The following KAT2B variants were observed in gnomAD, a reference collection of about 807,000 sequenced individuals.
KAT2B encodes the protein lysine acetyltransferase 2B, also known as histone acetyltransferase KAT2B.
A neutral mutation model predicts 105.9 loss-of-function variants in KAT2B; 36 were observed. The ratio of observed to expected loss-of-function variants is 0.34; its 90% CI spans 0.26 to 0.45. KAT2B has a LOEUF of 0.45. Among genes scored for constraint, KAT2B ranks in the 20% least tolerant of loss-of-function variants. KAT2B has a pLI of 1.00. For synonymous variants in KAT2B, 397 were observed against 377.9 expected (o/e 1.05, Z -0.59); for missense variants, 820 against 1,021.6 (o/e 0.80, Z 2.69).
chr3:20,078,192 A>C (rs2125185111), intron 2 of KAT2B, among the ~76,000 whole-genome samples: 1 of 152,238 alleles, frequency 6.6e-6, no homozygotes, highest in Admixed American at 6.5e-5. Flanking sequence ...AAATAAATAA[A>C]TAAATAAATA....
Position 20,062,206 on chromosome 3 carries a change from AT to A in KAT2B, c.304-10126del, listed in dbSNP as rs1325984947. Among the ~76,000 whole-genome samples, 6 of 86,472 alleles carry A rather than the reference AT, an allele frequency of 6.9e-5. 1 individual carries two copies. Among genetic ancestry groups the A allele is most frequent in the African/African-American group, 2.9e-4 (6 of 20,594 alleles). The allele number at this position is 86,472 out of a possible 152,430, so 56.7% of individuals were successfully genotyped here. A position where few individuals can be genotyped will look rare whatever the true frequency, so the allele number is the denominator to read the frequency against. ...AATATATAAAATATATATATTTTAT[AT>A]AAAATATATTATATATAAAAATATA... On this transcript the variant is annotated intron_variant, in intron 1 of 17. Transcript: ENST00000263754.
intron 1 of KAT2B, among the ~76,000 whole-genome samples, chr3:20,044,063 GAAAAAGAAAAAAA>G (rs1159105933): frequency 3.2e-5 from 4 of 124,812 alleles, no homozygotes; most frequent in African/African-American, 5.4e-5. Flanking sequence ...CCAGAGAATA[GAAAAAGAAAAAAA>G]AAAAAGAAAA....
In KAT2B at chr3:20,140,229, C is replaced by T. The variant is rs1359048696; in HGVS notation, c.1869C>T (p.Ser623=). Residue 623 remains serine (S), a synonymous_variant, in exon 13 of 18, where the codon TCC becomes TCT. Transcript: ENST00000263754. ...AIGYFKKQGF[S]KEIKIPKTKY... ...ATTTACTTGCTTTTCAGGGTTTCTCCAAAGAAATTAAAATACCTAAAACCA... is the reference window on the plus strand; with the variant it reads ...ATTTACTTGCTTTTCAGGGTTTCTCTAAAGAAATTAAAATACCTAAAACCA... 6.2e-7 allele frequency: 1 copy of T among 1,601,192 alleles called. No individual in the cohort carries two copies. Among genetic ancestry groups the T allele is most frequent in the African/African-American group, 1.3e-5 (1 of 74,672 alleles).
At chr3:20,110,742 C>T (rs999255504) in intron 5 of KAT2B, among the ~76,000 whole-genome samples, 7 of 151,560 alleles carry the variant, frequency 4.6e-5, no homozygotes, top group African/African-American at 1.7e-4. Context: ...CTTTTACTCT[C>T]CACTGTATGT....
At chr3:20,119,534 C>T (rs569752192) in intron 7 of KAT2B, 64 bp from the exon 8 acceptor site, 173 of 1,590,830 alleles carry the variant, frequency 1.1e-4, no homozygotes, top group East Asian at 3.1e-4. Context: ...ATGTGCACTT[C>T]GTTTCTTGTT....
intron 2 of KAT2B, among the ~76,000 whole-genome samples, chr3:20,078,640 AAGTGCTGGGAT>A (rs1367838398): frequency 6.6e-6 from 1 of 151,800 alleles, no homozygotes; most frequent in Non-Finnish European, 1.5e-5. Context: ...CGGCCTCCCG[AAGTGCTGGGAT>A]TACAGCTACC....
intron 11 of KAT2B, 64 bp from the exon 12 acceptor site, chr3:20,136,878 A>G: frequency 1.3e-6 from 1 of 791,326 alleles, no homozygotes; most frequent in South Asian, 1.7e-5. Flanking sequence ...TCATTTCCTG[A>G]TGGATTTGTA....
chr3:20,044,098 C>G (rs984709955), intron 1 of KAT2B, among the ~76,000 whole-genome samples: 1 of 151,074 alleles, frequency 6.6e-6, no homozygotes, highest in Non-Finnish European at 1.5e-5. Context: ...AGAAAAGAAA[C>G]AAACAAACTT....
intron 1 of KAT2B, among the ~76,000 whole-genome samples, chr3:20,064,637 A>G (rs1303494170): frequency 5.3e-5 from 8 of 152,206 alleles, no homozygotes; most frequent in Admixed American, 5.2e-4. Flanking sequence ...GCAGGGTAGA[A>G]TGAGTAACCC....
chr3:20,058,453 CAA>C (rs35239760), intron 1 of KAT2B, among the ~76,000 whole-genome samples: 49 of 74,516 alleles, frequency 6.6e-4, no homozygotes, highest in Middle Eastern at 7.1e-3. Flanking sequence ...GACTCTGTCT[CAA>C]AAAAAAAAAA....
At chr3:20,053,279 TG>T (rs1451944510) in intron 1 of KAT2B, among the ~76,000 whole-genome samples, 1 of 152,198 alleles carries the variant, frequency 6.6e-6, no homozygotes, top group Non-Finnish European at 1.5e-5. Context: ...ATCCCAGGTG[TG>T]GGATCCTACT....
intron 2 of KAT2B, among the ~76,000 whole-genome samples, chr3:20,085,219 A>C (rs1698591707): frequency 6.6e-6 from 1 of 152,196 alleles, no homozygotes; most frequent in South Asian, 2.1e-4. Flanking sequence ...TTTATAAGAC[A>C]AAAATAGTCC....
At position 20,101,342 on chromosome 3, in the gene KAT2B, A is replaced by G. The variant is rs765159204; in HGVS notation, c.725A>G (p.Gln242Arg). 37 of 1,614,030 alleles carry G rather than the reference A, an allele frequency of 2.3e-5. No individual in the cohort carries two copies. Among genetic ancestry groups the G allele is most frequent in the Non-Finnish European group, 3.1e-5 (37 of 1,180,010 alleles). ...KFSHLPAKER[Q>R]TIVELAKMFL... is the part of the protein sequence containing the mutation. ...AGTCACCTGCCAGCAAAAGAAAGGC[A>G]AACAATAGTTGAGTTGGCAAAAATG... Residue 242 changes from glutamine (Q) to arginine (R), a missense_variant, in exon 5 of 18, where the codon CAA becomes CGA. Physicochemically the swap from Gln to Arg is conservative, Grantham distance 43 (BLOSUM62 1). Around this residue, in one of 6 missense-constraint regions of KAT2B, gnomAD observed 173 missense variants for 249.5 expected, o/e 0.69. Transcript: ENST00000263754.
intron 2 of KAT2B, among the ~76,000 whole-genome samples, chr3:20,095,032 T>C (rs558518908): frequency 6.6e-6 from 1 of 152,290 alleles, no homozygotes; most frequent in African/African-American, 2.4e-5. Context: ...CACCAGCCCA[T>C]TTTTAACGTT....
intron 2 of KAT2B, among the ~76,000 whole-genome samples, chr3:20,090,542 C>G (rs1698698327): frequency 6.6e-6 from 1 of 152,156 alleles, no homozygotes; most frequent in African/African-American, 2.4e-5. Context: ...GGATTAATTC[C>G]TCTTGCTCGT....
At chr3:20,044,341 G>T (rs910390073) in intron 1 of KAT2B, among the ~76,000 whole-genome samples, 5 of 151,714 alleles carry the variant, frequency 3.3e-5, no homozygotes, top group Non-Finnish European at 4.4e-5. Flanking sequence ...TTAACCAGGC[G>T]TGGTGGCAGA....
At chr3:20,126,820 T>TA (rs1559325494) in intron 10 of KAT2B, among the ~76,000 whole-genome samples, 105 of 50,964 alleles carry the variant, frequency 2.1e-3, no homozygotes, top group African/African-American at 8.6e-3. Flanking sequence ...AAACTCCATT[T>TA]CAAAAAAAAA....
chr3:20,048,813 G>A (rs566432580), intron 1 of KAT2B, among the ~76,000 whole-genome samples: 1 of 152,232 alleles, frequency 6.6e-6, no homozygotes, highest in South Asian at 2.1e-4. Context: ...CACACATGGG[G>A]AGAGAAGGAG....
chr3:20,120,230 T>C (rs1559321984), intron 8 of KAT2B, among the ~76,000 whole-genome samples: 1 of 151,980 alleles, frequency 6.6e-6, no homozygotes, highest in Non-Finnish European at 1.5e-5. Flanking sequence ...TTTTTCCTTT[T>C]CTTTTCTTTT....
Sources: gnomAD v4.1 joint callset for allele counts (sites outside exome capture counted in the v4.1 genomes callset) on GRCh38, gnomAD v4.1.1 for gene constraint, gnomAD v4.1.1 regional missense constraint, MANE v1.5 for transcripts, NCBI Gene and HGNC (gene_info 2026-07-23, HGNC 2026-07-21) for gene names.